The following ADGRB3 variants were observed in gnomAD, a reference collection of about 807,000 sequenced individuals.
ADGRB3 encodes the protein brain-specific angiogenesis inhibitor 3.
ADGRB3 carries 37 observed loss-of-function variants against 193.4 expected under a neutral mutation model. The observed-to-expected ratio is 0.19, with a 90% confidence interval of 0.15 to 0.25. ADGRB3 has a LOEUF of 0.25. Among genes scored for constraint, ADGRB3 ranks in the 10% least tolerant of loss-of-function variants. The pLI, the probability that ADGRB3 is intolerant of heterozygous loss-of-function variation, is 1.00. For synonymous variants in ADGRB3, 690 were observed against 644.2 expected (o/e 1.07, Z -1.08); for missense variants, 1,637 against 1,852.9 (o/e 0.88, Z 2.14).
intron 10 of ADGRB3, among the ~76,000 whole-genome samples, chr6:68,987,290 C>CA (rs942901661): frequency 3.3e-5 from 5 of 152,170 alleles, no homozygotes; most frequent in Admixed American, 3.3e-4. Flanking sequence ...GGGTTTTATT[C>CA]AACCTCCACT....
chr6:69,365,646 GT>G (rs1769551876), intron 29 of ADGRB3, among the ~76,000 whole-genome samples: 1 of 152,014 alleles, frequency 6.6e-6, no homozygotes, highest in Non-Finnish European at 1.5e-5. Context: ...AGATTTTGTT[GT>G]TTTAGCTTGT....
At chr6:68,777,668 TAAA>T (rs561834409) in intron 3 of ADGRB3, among the ~76,000 whole-genome samples, 941 of 78,056 alleles carry the variant, frequency 0.012, 15 homozygotes, top group African/African-American at 0.037. Context: ...CTCTGGGATC[TAAA>T]AAAAAAAAAA....
chr6:69,181,360 AT>A (rs1311986860), intron 17 of ADGRB3, among the ~76,000 whole-genome samples: 2 of 151,880 alleles, frequency 1.3e-5, no homozygotes, highest in East Asian at 1.9e-4. Flanking sequence ...TAATATTCTT[AT>A]TTTTTTAAAA....
intron 17 of ADGRB3, among the ~76,000 whole-genome samples, chr6:69,183,041 C>A (rs1013812135): frequency 3.9e-5 from 6 of 152,052 alleles, no homozygotes; most frequent in East Asian, 1.9e-4. Flanking sequence ...ATGGATGTTA[C>A]CCCTTACACA....
intron 17 of ADGRB3, among the ~76,000 whole-genome samples, chr6:69,185,509 G>A (rs189463509): frequency 5.7e-4 from 87 of 152,280 alleles, no homozygotes; most frequent in African/African-American, 2.0e-3. Context: ...AAGTATCAGA[G>A]TACTCTTTCT....
At chr6:69,039,872 G>T (rs1246517751) in intron 13 of ADGRB3, among the ~76,000 whole-genome samples, 1 of 151,254 alleles carries the variant, frequency 6.6e-6, no homozygotes, top group Non-Finnish European at 1.5e-5. Flanking sequence ...CTCCCGAGTA[G>T]CTGGGACTAC....
At chr6:69,232,491 G>T (rs1321331423) in intron 17 of ADGRB3, 6 of 1,535,054 alleles carry the variant, frequency 3.9e-6, no homozygotes, top group African/African-American at 2.7e-5. Context: ...TTGGGGTGGG[G>T]TTATTCCTCT....
At chr6:69,155,279 T>C (rs1294741227) in intron 17 of ADGRB3, among the ~76,000 whole-genome samples, 1 of 152,170 alleles carries the variant, frequency 6.6e-6, no homozygotes, top group Non-Finnish European at 1.5e-5. Flanking sequence ...AAATACTACT[T>C]CCATTCTCCA....
chr6:69,018,024 T>C (rs1770147316), intron 12 of ADGRB3, among the ~76,000 whole-genome samples: 1 of 151,936 alleles, frequency 6.6e-6, no homozygotes, highest in Non-Finnish European at 1.5e-5. Context: ...GTGTTCCTCA[T>C]ATAGATGCCA....
chr6:68,978,383 T>A (rs1231700999), intron 10 of ADGRB3, among the ~76,000 whole-genome samples: 1 of 151,388 alleles, frequency 6.6e-6, no homozygotes, highest in Non-Finnish European at 1.5e-5. Flanking sequence ...ATAAGATAGA[T>A]GTTGCATATA....
intron 15 of ADGRB3, among the ~76,000 whole-genome samples, chr6:69,051,469 G>A (rs1771391529): frequency 6.6e-6 from 1 of 152,090 alleles, no homozygotes; most frequent in Non-Finnish European, 1.5e-5. Context: ...AAGTAATTTA[G>A]TAAATGTCTA....
chr6:69,300,951 G>A (rs1020141188), intron 20 of ADGRB3, among the ~76,000 whole-genome samples: 2 of 151,754 alleles, frequency 1.3e-5, no homozygotes, highest in African/African-American at 4.8e-5. Context: ...GTGCAGAGAT[G>A]TAGGAAGAGT....
chr6:68,845,031 T>A (rs930642205), intron 3 of ADGRB3, among the ~76,000 whole-genome samples: 15 of 151,942 alleles, frequency 9.9e-5, no homozygotes, highest in Non-Finnish European at 2.1e-4. Flanking sequence ...AAAATAGAAA[T>A]AATGGATAAG....
In ADGRB3 at chr6:69,104,475, T is replaced by G. The variant is rs1773154904; in HGVS notation, c.2480+28437T>G. 3.3e-5 allele frequency among the ~76,000 whole-genome samples: 5 copies of G among 151,956 alleles called. No homozygotes were observed. In the South Asian group the frequency reaches 1.0e-3, roughly 32 times the overall value. ...GGTTGGTTCCAAGTCTTTGCTATTGTGAATAATGCCGCAATGGTTCAGGAT... is the reference window on the plus strand; with the variant it reads ...GGTTGGTTCCAAGTCTTTGCTATTGGGAATAATGCCGCAATGGTTCAGGAT... On this transcript the variant is annotated intron_variant, in intron 17 of 31. Transcript: ENST00000370598.
chr6:69,232,292 C>A (rs1445172774), intron 17 of ADGRB3: 2 of 656,240 alleles, frequency 3.0e-6, no homozygotes, highest in Non-Finnish European at 4.5e-6. Context: ...CTTTTTCTCT[C>A]TTCCTGTAGT....
chr6:69,361,594 T>A (rs1769452899), intron 29 of ADGRB3, 82 bp downstream of exon 29: 1 of 1,426,196 alleles, frequency 7.0e-7, no homozygotes, highest in South Asian at 1.4e-5. Context: ...ATTGGTTGAT[T>A]GATTGATGTG....
intron 3 of ADGRB3, among the ~76,000 whole-genome samples, chr6:68,863,880 T>C (rs483744): frequency 0.46 from 70,334 of 151,940 alleles, 17,223 homozygotes; most frequent in East Asian, 0.6. Flanking sequence ...CCCGGGGATA[T>C]TTGTGGGATA....
At chr6:69,128,087 C>G (rs779100080) in intron 17 of ADGRB3, among the ~76,000 whole-genome samples, 1 of 152,110 alleles carries the variant, frequency 6.6e-6, no homozygotes, top group African/African-American at 2.4e-5. Flanking sequence ...TATAGTTACT[C>G]TCTTTGCAGT....
At chr6:68,899,840 T>A (rs1766343758) in intron 3 of ADGRB3, among the ~76,000 whole-genome samples, 1 of 151,974 alleles carries the variant, frequency 6.6e-6, no homozygotes, top group Non-Finnish European at 1.5e-5. Context: ...AAAAAAATAA[T>A]AAAAATTACT....
Sources: allele counts gnomAD v4.1 joint callset (sites outside exome capture counted in the v4.1 genomes callset), GRCh38; gene constraint gnomAD v4.1.1; transcripts MANE v1.5; gene names NCBI Gene and HGNC (gene_info 2026-07-23, HGNC 2026-07-21).